Variants in KLHDC10 observed in about 807,000 individuals in gnomAD.
The protein encoded by KLHDC10 is kelch domain-containing protein 10.
KLHDC10 carries 24 observed loss-of-function variants against 56.1 expected under a neutral mutation model. The observed-to-expected ratio is 0.43, with a 90% CI of 0.31 to 0.60. The LOEUF (loss-of-function observed/expected upper bound fraction) is 0.60, where lower values mean the gene tolerates loss of function less well. KLHDC10 is among the 20% of genes least tolerant of loss of function. The pLI is 0.11. For synonymous variants in KLHDC10, 188 were observed against 207.1 expected, an observed-to-expected ratio of 0.91 and a Z score of 0.79; for missense variants, 349 against 567.0, an observed-to-expected ratio of 0.62 and a Z score of 3.91.
At chr7:130,082,159 A>G (rs1214818214) in intron 1 of KLHDC10, among the ~76,000 whole-genome samples, 2 of 152,134 alleles carry the variant, frequency 1.3e-5, no homozygotes, top group South Asian at 2.1e-4. Flanking sequence ...CAAAAAATAA[A>G]CAATATTAGC....
At chr7:130,129,672 A>C (rs540241096) in intron 9 of KLHDC10, 96 bp downstream of exon 9, 10 of 1,089,696 alleles carry the variant, frequency 9.2e-6, no homozygotes, top group Non-Finnish European at 1.3e-5. Flanking sequence ...ATATAGGCAA[A>C]CCTTAGATGA....
chr7:130,130,693 A>G lies in KLHDC10; in HGVS notation c.1276A>G (p.Thr426Ala). The G allele has an allele frequency of 6.2e-7, 1 of 1,614,126 alleles. No individual in the cohort carries two copies. Among genetic ancestry groups the G allele is most frequent in the Non-Finnish European group, 8.5e-7 (1 of 1,180,016 alleles). Reference sequence around the variant, plus strand: ...CCCTAACCTTGCAAACCTCTCCCGAACACAACTTCTGCACCTTGGACTCAC... The same window carrying G: ...CCCTAACCTTGCAAACCTCTCCCGAGCACAACTTCTGCACCTTGGACTCAC... ...AFPNLANLSR[T>A]QLLHLGLTQG... The change falls in exon 10 of 10, where the codon ACA (threonine) becomes GCA (alanine). Residue 426 changes from threonine (T) to alanine (A), a missense_variant. Thr to Ala is a moderately conservative substitution (Grantham distance 58). Coordinates refer to ENST00000335420, the MANE Select transcript of KLHDC10 (RefSeq NM_014997.4). This position sits in a 1 kb window ranked among gnomAD's most constrained non-coding sequence, Gnocchi z 4.2.
intron 1 of KLHDC10, among the ~76,000 whole-genome samples, chr7:130,094,290 A>G (rs1795820110): frequency 6.6e-6 from 1 of 152,158 alleles, no homozygotes; most frequent in African/African-American, 2.4e-5. Flanking sequence ...ATATTTTTCC[A>G]TTATAAAATC....
At chr7:130,076,509 A>T (rs916031375) in intron 1 of KLHDC10, among the ~76,000 whole-genome samples, 4 of 152,190 alleles carry the variant, frequency 2.6e-5, no homozygotes, top group Non-Finnish European at 5.9e-5. Flanking sequence ...GTTTTGTGTC[A>T]TAAGAAAGGC....
Position 130,096,985 on chromosome 7 carries a change from G to C in KLHDC10, c.231G>C (p.Arg77Ser). Residue 77 changes from arginine to serine, a missense_variant, in exon 2 of 10, where the codon AGG becomes AGC. Around this residue, in one of 2 missense-constraint regions of KLHDC10, gnomAD observed 245 missense variants for 470.1 expected, o/e 0.52. Transcript: ENST00000335420. ...RRFIQSCPII[R>S]IPNRFLRGHR... is the part of the protein sequence containing the mutation. ...TCATTCAGTCCTGTCCCATCATAAG[G>C]ATCCCTAACAGGTTTTTGAGAGGTG... The C allele has an allele frequency of 6.2e-7, 1 of 1,607,126 alleles. No homozygotes were observed.
chr7:130,126,411 C>T (rs1796316605), intron 7 of KLHDC10, among the ~76,000 whole-genome samples: 2 of 151,888 alleles, frequency 1.3e-5, no homozygotes, highest in South Asian at 4.2e-4. Context: ...CGTGGTGGCT[C>T]ATGCCTATAA....
At chr7:130,082,895 C>G (rs1423446901) in intron 1 of KLHDC10, among the ~76,000 whole-genome samples, 1 of 152,136 alleles carries the variant, frequency 6.6e-6, no homozygotes, top group Non-Finnish European at 1.5e-5. Context: ...AGTTCCTGTT[C>G]CTAAAGAGCT....
At chr7:130,121,608 T>C (rs1005086764) in intron 4 of KLHDC10, among the ~76,000 whole-genome samples, 1 of 152,348 alleles carries the variant, frequency 6.6e-6, no homozygotes, top group East Asian at 1.9e-4. Context: ...GAAACTTTCA[T>C]TGAAAAGGGT....
chr7:130,092,368 A>G (rs1049148001), intron 1 of KLHDC10, among the ~76,000 whole-genome samples: 8 of 152,198 alleles, frequency 5.3e-5, no homozygotes, highest in African/African-American at 1.4e-4. Flanking sequence ...ACTTTTTAAT[A>G]TACTTTTCTA....
rs1052571625 is a variant in KLHDC10, at chr7:130,073,048, G to A, written c.166+2239G>A. ...TGGGATTACAGGCGTGAGCCACCTC[G>A]CCCAGCCAAATTTTTTATTTTTTTG... On this transcript the variant is annotated intron_variant, in intron 1 of 9. Transcript: ENST00000335420. Among the ~76,000 whole-genome samples the A allele has an allele frequency of 2.0e-5, 3 of 149,508 alleles. No homozygotes were observed. In the South Asian group the frequency reaches 6.9e-4, roughly 34 times the overall value.
intron 3 of KLHDC10, chr7:130,117,464 G>A (rs1320032223): frequency 6.3e-6 from 1 of 158,694 alleles, no homozygotes; most frequent in Non-Finnish European, 1.4e-5. Flanking sequence ...CCCTGCCACT[G>A]CTTAATCAAC....
At chr7:130,087,926 A>G (rs912060422) in intron 1 of KLHDC10, among the ~76,000 whole-genome samples, 21 of 151,506 alleles carry the variant, frequency 1.4e-4, no homozygotes, top group African/African-American at 4.9e-4. Flanking sequence ...ACGCCTGGCT[A>G]ATTTTTGTAT....
At chr7:130,084,550 G>A (rs1162596111) in intron 1 of KLHDC10, among the ~76,000 whole-genome samples, 2 of 152,042 alleles carry the variant, frequency 1.3e-5, no homozygotes, top group Non-Finnish European at 2.9e-5. Flanking sequence ...GGCCAAGGTG[G>A]GTGAATCACT....
intron 8 of KLHDC10, among the ~76,000 whole-genome samples, chr7:130,127,700 C>T (rs1796332288): frequency 6.6e-6 from 1 of 152,146 alleles, no homozygotes; most frequent in Non-Finnish European, 1.5e-5. Context: ...TTTATTGTAG[C>T]ACTTGATCTT....
chr7:130,134,141 A>G lies in KLHDC10; in HGVS notation c.*3395A>G, dbSNP rs772734385. 1 of 152,230 alleles carries G rather than the reference A, an allele frequency of 6.6e-6. No individual in the cohort carries two copies. Among genetic ancestry groups the G allele is most frequent in the Non-Finnish European group, 1.5e-5 (1 of 68,032 alleles). 9.4% of individuals were successfully genotyped at this position (152,230 alleles called of 1,614,324 possible). On this transcript the variant is annotated 3_prime_UTR_variant, in exon 10 of 10. Coordinates refer to ENST00000335420, the MANE Select transcript of KLHDC10 (RefSeq NM_014997.4). ...AGTGAATCAACTTTCCTACCAAACA[A>G]TAGATTCATTTACATTTCTTTTTCC...
Position 130,070,652 on chromosome 7 carries a change from C to A in KLHDC10, c.9C>A (p.Ala3=). ...GCAATCGTTAGCGGGTCATGTCGGC[C>A]GCCCAGGGCTGGGACAGGAACCGCC... The part of the protein sequence containing the change: MS[A]AQGWDRNRRR... The change falls in exon 1 of 10, where the codon GCC becomes GCA. Residue 3 remains alanine (A), a synonymous_variant. Coordinates refer to ENST00000335420, the MANE Select transcript of KLHDC10 (RefSeq NM_014997.4). The A allele has an allele frequency of 3.0e-6, 4 of 1,311,814 alleles. No individual in the cohort carries two copies. Among genetic ancestry groups the A allele is most frequent in the South Asian group, 2.4e-5 (1 of 42,078 alleles). The allele number at this position is 1,311,814 out of a possible 1,614,324, so 81.3% of individuals were successfully genotyped here.
At chr7:130,118,073 T>G (rs1796195128) in intron 3 of KLHDC10, among the ~76,000 whole-genome samples, 1 of 151,806 alleles carries the variant, frequency 6.6e-6, no homozygotes, top group Non-Finnish European at 1.5e-5. Context: ...CTCAGGAGGC[T>G]GAGGCAGGAG....
chr7:130,111,227 TC>T (rs1796096027), intron 2 of KLHDC10, among the ~76,000 whole-genome samples: 1 of 152,058 alleles, frequency 6.6e-6, no homozygotes, highest in South Asian at 2.1e-4. Context: ...ATATAAAAAA[TC>T]AAAACATGAA....
At chr7:130,100,418 A>G (rs893334877) in intron 2 of KLHDC10, among the ~76,000 whole-genome samples, 2 of 152,188 alleles carry the variant, frequency 1.3e-5, no homozygotes, top group Non-Finnish European at 2.9e-5. Flanking sequence ...AAGGGCAGGG[A>G]CAATAGGACA....
Sources: allele counts gnomAD v4.1 joint callset (sites outside exome capture counted in the v4.1 genomes callset), GRCh38; gene constraint gnomAD v4.1.1; regional missense constraint gnomAD v4.1.1; non-coding constraint Gnocchi (gnomAD v3.1); transcripts MANE v1.5; gene names NCBI Gene and HGNC (gene_info 2026-07-23, HGNC 2026-07-21).